Variants in UNC5D observed in about 807,000 individuals in gnomAD.
UNC5D encodes unc-5 netrin receptor D.
UNC5D carries 39 observed loss-of-function variants against 105.4 expected under a neutral mutation model. That is an observed-to-expected ratio of 0.37 (90% CI 0.29 to 0.48). The LOEUF (loss-of-function observed/expected upper bound fraction) is 0.48. Among genes scored for constraint, UNC5D ranks in the 20% least tolerant of loss-of-function variants. The pLI, the probability that UNC5D is intolerant of heterozygous loss-of-function variation, is 0.98. For missense variants in UNC5D, 991 were observed against 1,202.4 expected, an observed-to-expected ratio of 0.82 and a Z score of 2.60; for synonymous variants, 452 against 450.4, an observed-to-expected ratio of 1.00 and a Z score of -0.04.
rs186232116 is a variant in UNC5D, at chr8:35,545,422, G to T, written c.104-3870G>T. Among the ~76,000 whole-genome samples the T allele has an allele frequency of 8.9e-5, 13 of 146,808 alleles. No homozygotes were observed. The East Asian group carries it at 2.7e-3, about 31-fold the overall frequency. ...ATGGTTGGCAAGTATGGGTTGGAGA[G>T]GGGGAGAGAGGTGAGTCATTGCCCT... is the stretch of plus-strand genomic sequence containing the variant. On this transcript the variant is annotated intron_variant, in intron 1 of 16. Coordinates refer to ENST00000404895, the MANE Select transcript of UNC5D (RefSeq NM_080872.4).
At chr8:35,501,560 G>A (rs1289951583) in intron 1 of UNC5D, among the ~76,000 whole-genome samples, 2 of 152,128 alleles carry the variant, frequency 1.3e-5, no homozygotes, top group African/African-American at 2.4e-5. Flanking sequence ...TGAAATCTCC[G>A]TGCAAGGGCA....
At chr8:35,664,883 C>T (rs550770544) in intron 4 of UNC5D, among the ~76,000 whole-genome samples, 12 of 152,160 alleles carry the variant, frequency 7.9e-5, no homozygotes, top group Admixed American at 7.9e-4. Context: ...CTTCCTCTGT[C>T]ATCCAGGCTG....
intron 1 of UNC5D, among the ~76,000 whole-genome samples, chr8:35,305,589 C>CTTTCTTTCTT (rs1554505738): frequency 3.2e-5 from 2 of 61,610 alleles, no homozygotes; most frequent in African/African-American, 1.7e-4. Flanking sequence ...TTCTTTCTTT[C>CTTTCTTTCTT]TTTCTTTCTT....
At chr8:35,248,865 A>T (rs1283394079) in intron 1 of UNC5D, among the ~76,000 whole-genome samples, 1 of 91,310 alleles carries the variant, frequency 1.1e-5, no homozygotes. Flanking sequence ...ATTCTATAAT[A>T]ATATAAAAAT....
rs1042558716 is a variant in UNC5D, at chr8:35,792,188, TG to T, written c.*1626del. The T allele has an allele frequency of 8.5e-5, 13 of 152,124 alleles. No individual in the cohort carries two copies. Among genetic ancestry groups the T allele is most frequent in the African/African-American group, 3.1e-4 (13 of 41,414 alleles). 9.4% of individuals were successfully genotyped at this position (152,124 alleles called of 1,614,324 possible). A position where few individuals can be genotyped will look rare whatever the true frequency, so the allele number is the denominator to read the frequency against. Reference sequence around the variant, plus strand: ...GATCCATTTTTTTAAACAAGTTTTTTGTAGATCCCTTGTAAAATAATAATAA... The same window carrying T: ...GATCCATTTTTTTAAACAAGTTTTTTTAGATCCCTTGTAAAATAATAATAA... On this transcript the variant is annotated 3_prime_UTR_variant, in exon 17 of 17. Transcript: ENST00000404895.
At chr8:35,418,560 C>G (rs1805676402) in intron 1 of UNC5D, among the ~76,000 whole-genome samples, 1 of 152,158 alleles carries the variant, frequency 6.6e-6, no homozygotes, top group African/African-American at 2.4e-5. Flanking sequence ...TAGCATTTTG[C>G]TGTTTAGTCT....
chr8:35,517,885 T>C (rs1417920002), intron 1 of UNC5D, among the ~76,000 whole-genome samples: 1 of 152,142 alleles, frequency 6.6e-6, no homozygotes, highest in African/African-American at 2.4e-5. Context: ...ACAGCTGTCT[T>C]CTAACTGTAA....
At chr8:35,517,981 C>T (rs1379793440) in intron 1 of UNC5D, among the ~76,000 whole-genome samples, 14 of 152,068 alleles carry the variant, frequency 9.2e-5, no homozygotes, top group Admixed American at 4.6e-4. Flanking sequence ...GAGCACTTCC[C>T]GGAGGCCCCC....
chr8:35,271,384 TACACAC>T (rs1805309781), intron 1 of UNC5D, among the ~76,000 whole-genome samples: 1 of 83,730 alleles, frequency 1.2e-5, no homozygotes, highest in African/African-American at 3.1e-5. Flanking sequence ...TATGTATATG[TACACAC>T]ATGCACGTGT....
intron 1 of UNC5D, among the ~76,000 whole-genome samples, chr8:35,265,868 CATAATAATAATAATAATA>C (rs3991303): frequency 2.0e-4 from 29 of 142,512 alleles, no homozygotes; most frequent in East Asian, 8.2e-4. Flanking sequence ...AGACTCGTCT[CATAATAATAATAATAATA>C]ATAATAATAA....
intron 11 of UNC5D, among the ~76,000 whole-genome samples, chr8:35,746,838 C>T (rs187518545): frequency 5.3e-5 from 8 of 152,292 alleles, no homozygotes; most frequent in Non-Finnish European, 1.0e-4. Context: ...TGAATGCAGG[C>T]GGTAATTACA....
chr8:35,613,582 G>T (rs1820833234), intron 4 of UNC5D, among the ~76,000 whole-genome samples: 1 of 152,180 alleles, frequency 6.6e-6, no homozygotes, highest in Non-Finnish European at 1.5e-5. Flanking sequence ...ACCTGGCCAG[G>T]CATGGTCACT....
intron 1 of UNC5D, chr8:35,255,064 A>G (rs1803978181): frequency 6.6e-6 from 1 of 152,224 alleles, no homozygotes; most frequent in Non-Finnish European, 1.5e-5. Context: ...TTAAGTTAGA[A>G]GCCACATCTC....
chr8:35,341,906 G>T (rs1484323524), intron 1 of UNC5D, among the ~76,000 whole-genome samples: 1 of 152,110 alleles, frequency 6.6e-6, no homozygotes, highest in African/African-American at 2.4e-5. Context: ...TATTTGGGAA[G>T]AATAGGGCAA....
chr8:35,620,932 A>T (rs1002642233), intron 4 of UNC5D, among the ~76,000 whole-genome samples: 1 of 152,146 alleles, frequency 6.6e-6, no homozygotes, highest in Non-Finnish European at 1.5e-5. Flanking sequence ...TAGAGCAAGG[A>T]TTCTCAGCCT....
chr8:35,622,159 T>C (rs1295936262), intron 4 of UNC5D, among the ~76,000 whole-genome samples: 3 of 152,030 alleles, frequency 2.0e-5, no homozygotes, highest in Non-Finnish European at 4.4e-5. Context: ...CTGGCCAACA[T>C]GGTGAAACCC....
intron 3 of UNC5D, among the ~76,000 whole-genome samples, chr8:35,590,889 A>G (rs1163944835): frequency 6.6e-6 from 1 of 152,186 alleles, no homozygotes; most frequent in East Asian, 1.9e-4. Flanking sequence ...TCTATGATCC[A>G]GCAATTTTAA....
intron 3 of UNC5D, among the ~76,000 whole-genome samples, chr8:35,572,920 CA>C (rs1309683409): frequency 6.6e-5 from 10 of 151,876 alleles, no homozygotes; most frequent in African/African-American, 2.4e-4. Flanking sequence ...TCTCCTCCCT[CA>C]GCCTCCCACG....
intron 4 of UNC5D, among the ~76,000 whole-genome samples, chr8:35,669,844 G>A (rs1824663746): frequency 6.6e-6 from 1 of 152,148 alleles, no homozygotes; most frequent in Admixed American, 6.6e-5. Flanking sequence ...AGTTTGACAT[G>A]TTGAGCTGAA....
Sources: gnomAD v4.1 joint callset for allele counts (sites outside exome capture counted in the v4.1 genomes callset) on GRCh38, gnomAD v4.1.1 for gene constraint, MANE v1.5 for transcripts, NCBI Gene and HGNC (gene_info 2026-07-23, HGNC 2026-07-21) for gene names.